The following NOL4L variants were observed in gnomAD, a reference collection of about 807,000 sequenced individuals.
The protein encoded by NOL4L is nucleolar protein 4-like.
In NOL4L, 7 loss-of-function variants were observed where a neutral mutation model predicts 64.5. The ratio of observed to expected loss-of-function variants is 0.11; its 90% CI spans 0.06 to 0.20. NOL4L has a LOEUF of 0.20. NOL4L is among the 10% of genes least tolerant of loss of function. The pLI, the probability that NOL4L is intolerant of heterozygous loss-of-function variation, is 1.00. For synonymous variants in NOL4L, 413 were observed against 401.0 expected (o/e 1.03, Z -0.36); for missense variants, 680 against 967.1 (o/e 0.70, Z 3.94).
intron 4 of NOL4L, among the ~76,000 whole-genome samples, chr20:32,477,772 G>C (rs1404037149): frequency 6.6e-6 from 1 of 152,138 alleles, no homozygotes; most frequent in African/African-American, 2.4e-5. Context: ...ACACAGCCAG[G>C]GTTTCTCTGG....
intron 2 of NOL4L, among the ~76,000 whole-genome samples, chr20:32,525,114 G>A (rs1452684756): frequency 6.6e-6 from 1 of 152,238 alleles, no homozygotes; most frequent in African/African-American, 2.4e-5. Context: ...GAGAAGCCAG[G>A]AAGTGCAGAG....
chr20:32,497,297 G>T (rs2016733705), intron 4 of NOL4L, among the ~76,000 whole-genome samples: 1 of 150,146 alleles, frequency 6.7e-6, no homozygotes, highest in Non-Finnish European at 1.5e-5. Context: ...GGGTGACAGG[G>T]CCTATCTGGG....
intron 1 of NOL4L, among the ~76,000 whole-genome samples, chr20:32,555,540 C>T (rs1480430780): frequency 1.3e-5 from 2 of 151,848 alleles, no homozygotes. Context: ...TCCAGCAATT[C>T]TCCTGCCTCA....
chr20:32,575,386 C>T (rs1980030533), intron 1 of NOL4L, among the ~76,000 whole-genome samples: 1 of 152,210 alleles, frequency 6.6e-6, no homozygotes, highest in Non-Finnish European at 1.5e-5. Context: ...CTGACCCCGC[C>T]AAAACCAGTC....
chr20:32,579,462 C>A (rs1400628331), intron 1 of NOL4L, among the ~76,000 whole-genome samples: 2 of 152,180 alleles, frequency 1.3e-5, no homozygotes, highest in Non-Finnish European at 2.9e-5. Context: ...TCCACTTGGT[C>A]CCCAGACACC....
At chr20:32,474,833 C>A (rs1002220581) in intron 4 of NOL4L, 91 bp from the exon 5 acceptor site, 9 of 1,466,220 alleles carry the variant, frequency 6.1e-6, no homozygotes, top group Non-Finnish European at 8.2e-6. Flanking sequence ...GGCCAGTGGG[C>A]GTTTGGGAGT....
At chr20:32,459,967 C>T (rs141778883) in intron 5 of NOL4L, among the ~76,000 whole-genome samples, 22 of 152,326 alleles carry the variant, frequency 1.4e-4, no homozygotes, top group African/African-American at 5.1e-4. Flanking sequence ...GATAAAAACA[C>T]GAGGCTGTGG....
At position 32,445,726 on chromosome 20, in the gene NOL4L, G is replaced by C. The variant is rs918152602; in HGVS notation, c.*1870C>G. ...GGGGATTGGTCAGATGGAAGGCAGA[G>C]GTGGTGTGGCTGGATGGGGTATTGG... On this transcript the variant is annotated 3_prime_UTR_variant, in exon 11 of 11. Transcript: ENST00000621426. 6.5e-6 allele frequency: 1 copy of C among 152,958 alleles called. No homozygotes were observed. The highest frequency in any genetic ancestry group is 1.5e-5 in the Non-Finnish European group (1 of 68,686). The allele number at this position is 152,958 out of a possible 1,614,324, so 9.5% of individuals were successfully genotyped here. A position where few individuals can be genotyped will look rare whatever the true frequency, so the allele number is the denominator to read the frequency against.
rs147491144 is a variant in NOL4L, at chr20:32,475,129, G to A, written c.700-387C>T. On this transcript the variant is annotated intron_variant, in intron 4 of 10. Transcript: ENST00000621426. ...GGGCTCACTCTGCACAGGACCCGGC[G>A]GCAAGAAGCGGGCAGCAGCACATGC... 559 of 985,438 alleles carry A rather than the reference G, an allele frequency of 5.7e-4. 14 individuals carry two copies. The East Asian group carries it at 0.055, about 97-fold the overall frequency. The allele number at this position is 985,438 out of a possible 1,614,324, so 61.0% of individuals were successfully genotyped here.
chr20:32,485,221 GACAGCC>G (rs2016037773), intron 4 of NOL4L, among the ~76,000 whole-genome samples: 1 of 152,066 alleles, frequency 6.6e-6, no homozygotes, highest in Non-Finnish European at 1.5e-5. Flanking sequence ...GAGAAAACGA[GACAGCC>G]ACAGCGATTG....
rs796433114 is a variant in NOL4L at position 32,518,145 on chromosome 20, T to A, written c.589+2666A>T. On this transcript the variant is annotated intron_variant, in intron 3 of 10. Coordinates refer to ENST00000621426, the MANE Select transcript of NOL4L (RefSeq NM_001256798.2). ...TCCCCGGGCTCCTGCTCCCTCAGCG[T>A]CTTCTCCTCTCCCTGCGAGGAGAAG... 4.6e-5 allele frequency among the ~76,000 whole-genome samples: 7 copies of A among 152,290 alleles called. No individual in the cohort carries two copies. In the East Asian group the frequency reaches 1.4e-3, roughly 29 times the overall value.
At position 32,511,288 on chromosome 20, in the gene NOL4L, AC is replaced by A. The variant is rs1037264410; in HGVS notation, c.699+58del. On this transcript the variant is annotated intron_variant, in intron 4 of 10. Coordinates refer to ENST00000621426, the MANE Select transcript of NOL4L (RefSeq NM_001256798.2). The stretch of plus-strand genomic sequence containing the variant: ...TGGCCCCAAGTCTTGGAAAGAATCA[AC>A]CACCGCCAGGCAAGTCAGGACGCCT... 9.2e-6 allele frequency: 10 copies of A among 1,090,794 alleles called. No homozygotes were observed. The African/African-American group carries it at 9.4e-5, about 10-fold the overall frequency. 67.6% of individuals were successfully genotyped at this position (1,090,794 alleles called of 1,614,324 possible).
At chr20:32,556,911 G>A (rs1013320420) in intron 1 of NOL4L, among the ~76,000 whole-genome samples, 12 of 152,234 alleles carry the variant, frequency 7.9e-5, no homozygotes, top group Non-Finnish European at 1.6e-4. Context: ...ACGTGACTAT[G>A]CAGGAGGCAG....
intron 1 of NOL4L, among the ~76,000 whole-genome samples, chr20:32,564,273 C>T (rs58416849): frequency 2.6e-5 from 4 of 152,302 alleles, no homozygotes; most frequent in South Asian, 2.1e-4. Context: ...AGGGAGCTAA[C>T]GATTGAAAAA....
rs1021882743 is a variant in NOL4L at position 32,443,263 on chromosome 20, A to G, written c.*4333T>C. ...GCCTGTGCTAGTCATTCCACAAACAAAACAGAATTTAGTCACATCACGTAG... is the reference window on the plus strand; with the variant it reads ...GCCTGTGCTAGTCATTCCACAAACAGAACAGAATTTAGTCACATCACGTAG... On this transcript the variant is annotated 3_prime_UTR_variant, in exon 11 of 11. Transcript: ENST00000621426. The G allele has an allele frequency of 3.9e-5, 6 of 152,242 alleles. No homozygotes were observed. The highest frequency in any genetic ancestry group is 1.3e-4 in the Admixed American group (2 of 15,288). 9.4% of individuals were successfully genotyped at this position (152,242 alleles called of 1,614,324 possible).
intron 4 of NOL4L, among the ~76,000 whole-genome samples, chr20:32,505,244 G>C (rs1568665448): frequency 6.6e-6 from 1 of 152,132 alleles, no homozygotes; most frequent in Non-Finnish European, 1.5e-5. Flanking sequence ...TCTGGGCAGG[G>C]GGGAGATTGA....
At chr20:32,501,735 G>C (rs1046917191) in intron 4 of NOL4L, among the ~76,000 whole-genome samples, 1 of 152,206 alleles carries the variant, frequency 6.6e-6, no homozygotes, top group Admixed American at 6.5e-5. Flanking sequence ...GGATGGAGTG[G>C]AGTTAGCCTT....
At chr20:32,540,130 C>A (rs1378671057) in intron 1 of NOL4L, among the ~76,000 whole-genome samples, 1 of 152,212 alleles carries the variant, frequency 6.6e-6, no homozygotes, top group Non-Finnish European at 1.5e-5. Flanking sequence ...AGGCTGGGGA[C>A]TCTGACCCCT....
chr20:32,447,924 G>GTTT, intron 10 of NOL4L, 108 bp from the exon 11 acceptor site: 4 of 1,319,990 alleles, frequency 3.0e-6, no homozygotes, highest in African/African-American at 2.2e-5. Flanking sequence ...CCCACTGTGA[G>GTTT]TTGGGCACTG....
Sources: allele counts gnomAD v4.1 joint callset (sites outside exome capture counted in the v4.1 genomes callset), GRCh38; gene constraint gnomAD v4.1.1; transcripts MANE v1.5; gene names NCBI Gene and HGNC (gene_info 2026-07-23, HGNC 2026-07-21).